The following MIR17HG variants were observed in gnomAD, a reference collection of about 807,000 sequenced individuals.
MIR17HG encodes the protein miR-17-92a-1 cluster host gene.
chr13:91,349,706 G>A (rs907566369), exon 2 of MIR17HG: 4 of 151,902 alleles, frequency 2.6e-5, no homozygotes, highest in African/African-American at 7.3e-5. Flanking sequence ...AGTCATACAC[G>A]TGGACCTAAC....
chr13:91,351,126 A>G, intron 3 of MIR17HG: 1 of 524,222 alleles, frequency 1.9e-6, no homozygotes. Flanking sequence ...ATGAGCACTT[A>G]AAGTACTGCT....
At chr13:91,350,757 A>C in intron 3 of MIR17HG, 1 of 534,466 alleles carries the variant, frequency 1.9e-6, no homozygotes, top group Non-Finnish European at 3.8e-6. Flanking sequence ...TTTTTGTTCT[A>C]AGGTGCATCT....
rs542647982 is a variant in MIR17HG at position 91,348,154 on chromosome 13, G to A, written n.140+195G>A. 4.6e-3 allele frequency among the ~76,000 whole-genome samples: 243 copies of A among 53,404 alleles called. 2 individuals carry two copies. The highest frequency in any genetic ancestry group is 0.025 in the African/African-American group (226 of 8,920). The allele number at this position is 53,404 out of a possible 152,430, so 35.0% of individuals were successfully genotyped here. ...CTGGCTGCCCCCTCGCTCGCCCGCG[G>A]GCCGGCGGAGGGGGGCAGGGCCGGG... On this transcript the variant is annotated intron_variant and non_coding_transcript_variant, in intron 1 of 3. Coordinates refer to ENST00000400282, the Ensembl canonical transcript of MIR17HG.
At chr13:91,352,954 T>C (rs867912910) in intron 3 of MIR17HG, among the ~76,000 whole-genome samples, 1 of 151,220 alleles carries the variant, frequency 6.6e-6, no homozygotes, top group Non-Finnish European at 1.5e-5. Context: ...ACTAAAAATA[T>C]AAAAAATTAG....
At chr13:91,350,906 T>A (rs1566344357) in intron 3 of MIR17HG, 1 of 534,686 alleles carries the variant, frequency 1.9e-6, no homozygotes, top group Non-Finnish European at 3.8e-6. Flanking sequence ...CCTCTGTTAG[T>A]TTTGCATAGT....
chr13:91,352,919 G>A (rs1420430784), intron 3 of MIR17HG, among the ~76,000 whole-genome samples: 1 of 151,900 alleles, frequency 6.6e-6, no homozygotes, highest in East Asian at 1.9e-4. Flanking sequence ...GACCAACCTG[G>A]CCGACATGGT....
chr13:91,354,270 G>A (rs924301388), exon 4 of MIR17HG: 11 of 152,150 alleles, frequency 7.2e-5, no homozygotes, highest in African/African-American at 2.7e-4. Flanking sequence ...TCTTATTAAA[G>A]TCGAAATTAA....
chr13:91,350,861 A>G, intron 3 of MIR17HG: 1 of 534,704 alleles, frequency 1.9e-6, no homozygotes, highest in Non-Finnish European at 3.8e-6. Context: ...AAGCCAAGCA[A>G]GTATATAGGT....
intron 3 of MIR17HG, chr13:91,350,821 A>G (rs201226336): frequency 1.5e-5 from 8 of 534,686 alleles, no homozygotes; most frequent in African/African-American, 3.8e-5. Flanking sequence ...TCCTTCTGGC[A>G]TAAGAAGTTA....
At chr13:91,348,551 GGGGCGCCGAGATCGGCGCGGCCT>G (rs1363995448) in intron 1 of MIR17HG, among the ~76,000 whole-genome samples, 2 of 151,422 alleles carry the variant, frequency 1.3e-5, no homozygotes, top group African/African-American at 2.4e-5. Flanking sequence ...GGTGGGCGGA[GGGGCGCCGAGATCGGCGCGGCCT>G]GGGCGCCACC....
In MIR17HG at chr13:91,351,007, G is replaced by T. The variant is rs562884140; in HGVS notation, n.284+781G>T. 2.2e-4 allele frequency: 119 copies of T among 529,066 alleles called. 2 individuals are homozygous for T. In the East Asian group the frequency reaches 6.0e-3, roughly 27 times the overall value. The allele number at this position is 529,066 out of a possible 1,614,324, so 32.8% of individuals were successfully genotyped here. A position where few individuals can be genotyped will look rare whatever the true frequency, so the allele number is the denominator to read the frequency against. ...CAAATGAATGATTTTTACTAATTTT[G>T]TGTACTTTTATTGTGTCGATGTAGA... On this transcript the variant is annotated intron_variant and non_coding_transcript_variant, in intron 3 of 3. Transcript: ENST00000400282.
At chr13:91,352,061 T>C (rs1200090047) in intron 3 of MIR17HG, 2 of 152,684 alleles carry the variant, frequency 1.3e-5, no homozygotes, top group Non-Finnish European at 2.9e-5. Flanking sequence ...AACAGTTAAA[T>C]GTATGTGTAC....
intron 3 of MIR17HG, chr13:91,351,159 C>T: frequency 1.9e-6 from 1 of 525,540 alleles, no homozygotes; most frequent in Non-Finnish European, 4.0e-6. Context: ...CCAGCTTCGG[C>T]CTGTCGCCCA....
intron 1 of MIR17HG, among the ~76,000 whole-genome samples, chr13:91,348,661 G>A (rs1165278674): frequency 1.3e-5 from 2 of 150,800 alleles, no homozygotes; most frequent in Admixed American, 1.3e-4. Flanking sequence ...CGTGGCCCTC[G>A]GAGGAGGCCG....
At chr13:91,353,903 C>T (rs1252748424) in intron 3 of MIR17HG, 1 of 152,172 alleles carries the variant, frequency 6.6e-6, no homozygotes, top group Non-Finnish European at 1.5e-5. Context: ...GGTGATTTTA[C>T]TGAAAACTTT....
intron 3 of MIR17HG, chr13:91,350,495 A>G (rs751304824): frequency 2.0e-6 from 1 of 491,782 alleles, no homozygotes; most frequent in East Asian, 5.6e-5. Flanking sequence ...ATTATGCTGA[A>G]TTTGTATGGT....
intron 3 of MIR17HG, among the ~76,000 whole-genome samples, chr13:91,353,158 T>C (rs1427408088): frequency 6.7e-6 from 1 of 148,236 alleles, no homozygotes; most frequent in Non-Finnish European, 1.5e-5. Context: ...CAGCATGGTC[T>C]GGTAGTTTGC....
At chr13:91,349,218 A>G (rs4284505) in intron 1 of MIR17HG, among the ~76,000 whole-genome samples, 78,479 of 151,896 alleles carry the variant, frequency 0.52, 21,348 homozygotes, top group South Asian at 0.64. Context: ...AGCAAAGGGA[A>G]AAGGAACTGA....
intron 3 of MIR17HG, among the ~76,000 whole-genome samples, chr13:91,352,712 C>G (rs562168544): frequency 2.6e-5 from 4 of 152,122 alleles, no homozygotes; most frequent in Non-Finnish European, 5.9e-5. Flanking sequence ...AAATGGAAAT[C>G]AAATTGTACA....
Sources: allele counts gnomAD v4.1 joint callset (sites outside exome capture counted in the v4.1 genomes callset), GRCh38; gene constraint gnomAD v4.1.1; transcripts MANE v1.5; gene names NCBI Gene and HGNC (gene_info 2026-07-23, HGNC 2026-07-21).